The following SIMC1 variants were observed in gnomAD, a reference collection of about 807,000 sequenced individuals.
SIMC1 encodes SUMO-interacting motif-containing protein 1.
In SIMC1, 55 loss-of-function variants were observed where a neutral mutation model predicts 82.3. The ratio of observed to expected loss-of-function variants is 0.67; its 90% CI spans 0.54 to 0.84. The LOEUF (loss-of-function observed/expected upper bound fraction) is 0.84, where lower values mean the gene tolerates loss of function less well. SIMC1 is among the 40% of genes least tolerant of loss of function. SIMC1 has a pLI of 0.00. For synonymous variants in SIMC1, 353 were observed against 426.3 expected, an observed-to-expected ratio of 0.83 and a Z score of 2.12; for missense variants, 915 against 1,107.2, an observed-to-expected ratio of 0.83 and a Z score of 2.46.
At chr5:176,282,912 G>T (rs983589822) in intron 1 of SIMC1, among the ~76,000 whole-genome samples, 10 of 152,210 alleles carry the variant, frequency 6.6e-5, no homozygotes, top group African/African-American at 2.4e-4. Flanking sequence ...TCAACTGGAA[G>T]AAAGGGTATC....
intron 7 of SIMC1, among the ~76,000 whole-genome samples, chr5:176,325,643 GC>G (rs1371382924): frequency 6.7e-6 from 1 of 149,528 alleles, no homozygotes; most frequent in Admixed American, 6.6e-5. Context: ...CTGAGATGGC[GC>G]CACTGCACTC....
At chr5:176,280,361 A>C (rs538827360) in intron 1 of SIMC1, among the ~76,000 whole-genome samples, 5 of 151,862 alleles carry the variant, frequency 3.3e-5, no homozygotes, top group Admixed American at 3.3e-4. Context: ...TTTTGAGCCT[A>C]TGTGTGTCTC....
chr5:176,248,570 C>T (rs544180720), intron 1 of SIMC1, among the ~76,000 whole-genome samples: 1 of 152,242 alleles, frequency 6.6e-6, no homozygotes, highest in South Asian at 2.1e-4. Flanking sequence ...AGTTTGACTT[C>T]CTCTCTTCCT....
intron 4 of SIMC1, chr5:176,307,960 A>G (rs985287454): frequency 5.1e-6 from 3 of 593,682 alleles, no homozygotes; most frequent in Admixed American, 2.7e-5. Context: ...AGTGTTATAC[A>G]TAATAGCCAA....
intron 5 of SIMC1, among the ~76,000 whole-genome samples, chr5:176,314,547 G>A (rs2113348272): frequency 6.6e-6 from 1 of 152,256 alleles, no homozygotes; most frequent in South Asian, 2.1e-4. Context: ...ACTAGTTTCT[G>A]GAAAGTAATA....
At position 176,262,279 on chromosome 5, in the gene SIMC1, T is replaced by TA. The variant is rs58312244; in HGVS notation, c.129+23662dup. 4.1e-3 allele frequency among the ~76,000 whole-genome samples: 543 copies of TA among 133,876 alleles called. 2 individuals carry two copies. Among genetic ancestry groups the TA allele is most frequent in the South Asian group, 0.018 (76 of 4,216 alleles). The allele number at this position is 133,876 out of a possible 152,430, so 87.8% of individuals were successfully genotyped here. On this transcript the variant is annotated intron_variant, in intron 1 of 9. Coordinates refer to ENST00000429602, the MANE Select transcript of SIMC1 (RefSeq NM_001308195.2). ...AAGCATTTAATACCCATTCATGATT[T>TA]AAAAAAAAAAAAAAAAAAAAGCCTT... is the stretch of plus-strand genomic sequence containing the variant.
At chr5:176,306,712 C>A (rs1450720907) in intron 4 of SIMC1, among the ~76,000 whole-genome samples, 2 of 151,412 alleles carry the variant, frequency 1.3e-5, no homozygotes, top group Non-Finnish European at 2.9e-5. Flanking sequence ...TGCTTGAAGG[C>A]AGCATGCTCG....
At chr5:176,343,219 C>G (rs116136799) in intron 9 of SIMC1, among the ~76,000 whole-genome samples, 7 of 152,336 alleles carry the variant, frequency 4.6e-5, no homozygotes, top group Non-Finnish European at 8.8e-5. Context: ...TGATATACCA[C>G]TTAAAATGAT....
intron 1 of SIMC1, among the ~76,000 whole-genome samples, chr5:176,286,073 T>C (rs1263789923): frequency 6.6e-6 from 1 of 152,244 alleles, no homozygotes; most frequent in African/African-American, 2.4e-5. Flanking sequence ...AGGTAATTTA[T>C]AGATTCAATG....
intron 5 of SIMC1, among the ~76,000 whole-genome samples, chr5:176,315,992 C>T (rs962200670): frequency 2.0e-5 from 3 of 151,140 alleles, no homozygotes; most frequent in Admixed American, 6.6e-5. Flanking sequence ...CTGGCCAACA[C>T]GGTGAAACCC....
intron 1 of SIMC1, among the ~76,000 whole-genome samples, chr5:176,275,800 C>G (rs1251433802): frequency 2.0e-5 from 3 of 151,260 alleles, no homozygotes; most frequent in Non-Finnish European, 4.4e-5. Context: ...ATTGAACCAG[C>G]CTTGCATCCC....
At chr5:176,335,273 C>T (rs199698822) in intron 7 of SIMC1, among the ~76,000 whole-genome samples, 25 of 98,634 alleles carry the variant, frequency 2.5e-4, no homozygotes, top group South Asian at 4.0e-4. Context: ...TTCTTTGTAT[C>T]TTTTTTTTTT....
chr5:176,269,807 G>A (rs1762348248), intron 1 of SIMC1, among the ~76,000 whole-genome samples: 1 of 152,078 alleles, frequency 6.6e-6, no homozygotes, highest in South Asian at 2.1e-4. Flanking sequence ...GTGCAGTGGT[G>A]ACCCCACAGC....
At chr5:176,328,540 T>G (rs533907829) in intron 7 of SIMC1, among the ~76,000 whole-genome samples, 1 of 152,246 alleles carries the variant, frequency 6.6e-6, no homozygotes, top group African/African-American at 2.4e-5. Context: ...TTCAACATTT[T>G]TTGTGTGAAA....
At chr5:176,329,402 C>T (rs1031128571) in intron 7 of SIMC1, among the ~76,000 whole-genome samples, 4 of 150,070 alleles carry the variant, frequency 2.7e-5, no homozygotes, top group African/African-American at 4.9e-5. Context: ...ACCCGGGAGG[C>T]GGAGCTTGCA....
At chr5:176,297,104 A>T (rs1252501229) in intron 4 of SIMC1, among the ~76,000 whole-genome samples, 2 of 152,230 alleles carry the variant, frequency 1.3e-5, no homozygotes, top group African/African-American at 4.8e-5. Flanking sequence ...ATTTATTGAA[A>T]GTTTGTGGAT....
In SIMC1 at chr5:176,336,877, G is replaced by A. The variant is rs956601824; in HGVS notation, c.2328+1G>A. ...TTCTACGTCACTGCTCAAGTGTCAGGTACATTTTTTCCTGCCCAATTTCAG... is the reference window on the plus strand; with the variant it reads ...TTCTACGTCACTGCTCAAGTGTCAGATACATTTTTTCCTGCCCAATTTCAG... On this transcript the variant is annotated splice_donor_variant, in intron 8 of 9. Coordinates refer to ENST00000429602, the MANE Select transcript of SIMC1 (RefSeq NM_001308195.2). LOFTEE classifies it high-confidence loss of function. 1.2e-6 allele frequency: 2 copies of A among 1,613,680 alleles called. No homozygotes were observed. Among genetic ancestry groups the A allele is most frequent in the Non-Finnish European group, 1.7e-6 (2 of 1,179,858 alleles).
At chr5:176,301,021 AAATT>A (rs1764018633) in intron 4 of SIMC1, among the ~76,000 whole-genome samples, 1 of 152,228 alleles carries the variant, frequency 6.6e-6, no homozygotes, top group African/African-American at 2.4e-5. Flanking sequence ...ATTTAAATAA[AAATT>A]AACACCAATC....
chr5:176,311,218 G>C (rs528548889), intron 4 of SIMC1, among the ~76,000 whole-genome samples: 1 of 152,086 alleles, frequency 6.6e-6, no homozygotes, highest in Non-Finnish European at 1.5e-5. Flanking sequence ...TGAATTTTAT[G>C]GTATGCTAAT....
Sources: allele counts gnomAD v4.1 joint callset (sites outside exome capture counted in the v4.1 genomes callset), GRCh38; gene constraint gnomAD v4.1.1; transcripts MANE v1.5; gene names NCBI Gene and HGNC (gene_info 2026-07-23, HGNC 2026-07-21).